Variants in GNG12 observed in about 807,000 individuals in gnomAD.
GNG12 encodes G protein subunit gamma 12, also known as guanine nucleotide-binding protein G(I)/G(S)/G(O) subunit gamma-12.
For synonymous variants in GNG12, 28 were observed against 29.7 expected (o/e 0.94, Z 0.19); for missense variants, 69 against 83.8 (o/e 0.82, Z 0.69).
intron 2 of GNG12, among the ~76,000 whole-genome samples, chr1:67,735,923 A>C (rs1398202777): frequency 6.6e-6 from 1 of 152,188 alleles, no homozygotes; most frequent in East Asian, 1.9e-4. Flanking sequence ...AACAGATGCA[A>C]ATGAAAGACA....
At chr1:67,716,276 G>A (rs1265304098) in intron 2 of GNG12, among the ~76,000 whole-genome samples, 1 of 152,092 alleles carries the variant, frequency 6.6e-6, no homozygotes, top group Non-Finnish European at 1.5e-5. Context: ...AAAAACAGCA[G>A]GCTTTCAGAT....
At chr1:67,783,065 T>C (rs1646746410) in intron 1 of GNG12, among the ~76,000 whole-genome samples, 1 of 152,198 alleles carries the variant, frequency 6.6e-6, no homozygotes, top group Non-Finnish European at 1.5e-5. Context: ...TATTACCTTT[T>C]GTATATACTT....
At chr1:67,795,445 T>A (rs1646825632) in intron 1 of GNG12, among the ~76,000 whole-genome samples, 1 of 152,194 alleles carries the variant, frequency 6.6e-6, no homozygotes, top group Non-Finnish European at 1.5e-5. Context: ...CTGTGTTGAG[T>A]ACACTCTGTG....
intron 2 of GNG12, among the ~76,000 whole-genome samples, chr1:67,721,299 G>A (rs1177523856): frequency 1.3e-5 from 2 of 152,206 alleles, no homozygotes; most frequent in African/African-American, 4.8e-5. Flanking sequence ...CCAGAGTGGA[G>A]TGACTCCAGC....
intron 2 of GNG12, among the ~76,000 whole-genome samples, chr1:67,775,340 T>C (rs948192884): frequency 6.6e-6 from 1 of 152,228 alleles, no homozygotes; most frequent in African/African-American, 2.4e-5. Flanking sequence ...CCATAACAAG[T>C]GGTTGCCAAC....
At chr1:67,808,190 TA>T (rs1557624238) in intron 1 of GNG12, among the ~76,000 whole-genome samples, 1 of 152,068 alleles carries the variant, frequency 6.6e-6, no homozygotes, top group African/African-American at 2.4e-5. Flanking sequence ...ATCAACAGGC[TA>T]AAAAAGAAAA....
chr1:67,789,476 T>C (rs1172229622), intron 1 of GNG12, among the ~76,000 whole-genome samples: 2 of 152,212 alleles, frequency 1.3e-5, no homozygotes, highest in East Asian at 3.8e-4. Flanking sequence ...TTACTGATGA[T>C]ATAACTATGA....
At chr1:67,757,417 G>A (rs1646576196) in intron 2 of GNG12, among the ~76,000 whole-genome samples, 1 of 152,280 alleles carries the variant, frequency 6.6e-6, no homozygotes, top group East Asian at 1.9e-4. Context: ...ACATTCGCAT[G>A]AGCCCAGAAT....
At chr1:67,717,210 T>G (rs1453976377) in intron 2 of GNG12, among the ~76,000 whole-genome samples, 1 of 152,060 alleles carries the variant, frequency 6.6e-6, no homozygotes, top group African/African-American at 2.4e-5. Flanking sequence ...GATTAAAAAA[T>G]GTCAATTTAA....
rs556773027 is a variant in GNG12 at position 67,703,909 on chromosome 1, T to C, written c.*1542A>G. 3 of 152,378 alleles carry C rather than the reference T, an allele frequency of 2.0e-5. No homozygotes were observed. Among genetic ancestry groups the C allele is most frequent in the African/African-American group, 7.2e-5 (3 of 41,592 alleles). The allele number at this position is 152,378 out of a possible 1,614,324, so 9.4% of individuals were successfully genotyped here. A position where few individuals can be genotyped will look rare whatever the true frequency, so the allele number is the denominator to read the frequency against. ...TGGGAAAATCGTTGTAAATAATTAC[T>C]TCCTGGGGTTGATTCCTTTTTGAGG... On this transcript the variant is annotated 3_prime_UTR_variant, in exon 4 of 4. Coordinates refer to ENST00000370982, the MANE Select transcript of GNG12 (RefSeq NM_018841.6).
At chr1:67,823,435 C>A (rs139174990) in intron 1 of GNG12, among the ~76,000 whole-genome samples, 1 of 152,162 alleles carries the variant, frequency 6.6e-6, no homozygotes, top group Non-Finnish European at 1.5e-5. Flanking sequence ...TTTGGCAGCC[C>A]ACTCTACCCT....
intron 2 of GNG12, among the ~76,000 whole-genome samples, chr1:67,726,979 T>C (rs184180902): frequency 1.3e-5 from 2 of 152,198 alleles, no homozygotes; most frequent in East Asian, 1.9e-4. Flanking sequence ...AAATTATACA[T>C]GTGACCCTGC....
rs543337892 is a variant in GNG12 at position 67,709,852 on chromosome 1, TTA to T, written c.-26-2142_-26-2141del. Among the ~76,000 whole-genome samples, 213 of 122,920 alleles carry T rather than the reference TTA, an allele frequency of 1.7e-3. 3 individuals carry two copies. Among genetic ancestry groups the T allele is most frequent in the East Asian group, 5.3e-3 (25 of 4,696 alleles). 80.6% of individuals were successfully genotyped at this position (122,920 alleles called of 152,430 possible). Reference sequence around the variant, plus strand: ...AATATATATATATTTGTATATATATTTATATATATATAGTTATATATATATTT... The same window carrying T: ...AATATATATATATTTGTATATATATTTATATATATAGTTATATATATATTT... On this transcript the variant is annotated intron_variant, in intron 2 of 3. Coordinates refer to ENST00000370982, the MANE Select transcript of GNG12 (RefSeq NM_018841.6).
chr1:67,708,227 G>T (rs1646261439), intron 2 of GNG12, among the ~76,000 whole-genome samples: 1 of 152,190 alleles, frequency 6.6e-6, no homozygotes, highest in African/African-American at 2.4e-5. Flanking sequence ...TTTGAATAAA[G>T]GGTGCTTATT....
At chr1:67,709,780 T>C (rs1166871275) in intron 2 of GNG12, among the ~76,000 whole-genome samples, 1 of 142,252 alleles carries the variant, frequency 7.0e-6, no homozygotes, top group Non-Finnish European at 1.5e-5. Flanking sequence ...CCCTGAACAG[T>C]GTGCAGTGCT....
intron 2 of GNG12, among the ~76,000 whole-genome samples, chr1:67,748,086 A>G (rs571077383): frequency 2.6e-5 from 4 of 152,344 alleles, no homozygotes; most frequent in South Asian, 2.1e-4. Flanking sequence ...ATATCAGAAC[A>G]AGAGACTGTT....
chr1:67,713,186 G>C (rs1360720464), intron 2 of GNG12, among the ~76,000 whole-genome samples: 1 of 152,216 alleles, frequency 6.6e-6, no homozygotes, highest in Non-Finnish European at 1.5e-5. Context: ...AGCATCTGCA[G>C]ATCTTGAGCC....
At position 67,712,467 on chromosome 1, in the gene GNG12, G is replaced by A. The variant is rs375461807; in HGVS notation, c.-26-4755C>T. Among the ~76,000 whole-genome samples, 24 of 152,296 alleles carry A rather than the reference G, an allele frequency of 1.6e-4. No individual in the cohort carries two copies. The East Asian group carries it at 4.3e-3, about 27-fold the overall frequency. ...ACACTTTGGGAGGCCAAGGTGGGAG[G>A]AACACTTGAGTCCAAGAGTTTGAGA... On this transcript the variant is annotated intron_variant, in intron 2 of 3. Transcript: ENST00000370982.
intron 2 of GNG12, among the ~76,000 whole-genome samples, chr1:67,767,732 T>C (rs1303910784): frequency 6.6e-6 from 1 of 152,222 alleles, no homozygotes; most frequent in Admixed American, 6.5e-5. Context: ...CTTACCTAAA[T>C]CTTAACAATA....
Sources: gnomAD v4.1 joint callset for allele counts (sites outside exome capture counted in the v4.1 genomes callset) on GRCh38, gnomAD v4.1.1 for gene constraint, MANE v1.5 for transcripts, NCBI Gene and HGNC (gene_info 2026-07-23, HGNC 2026-07-21) for gene names.